CACNA1H: variants seen among roughly 807,000 people sequenced by gnomAD.
CACNA1H encodes the protein calcium voltage-gated channel subunit alpha1 H, also known as voltage-dependent T-type calcium channel subunit alpha-1H.
A neutral mutation model predicts 192.5 loss-of-function variants in CACNA1H; 149 were observed. The ratio of observed to expected loss-of-function variants is 0.77; its 90% CI spans 0.68 to 0.89. The LOEUF is 0.89. Among genes scored for constraint, CACNA1H ranks in the 40% least tolerant of loss-of-function variants. The pLI, the probability that CACNA1H is intolerant of heterozygous loss-of-function variation, is 0.00. For synonymous variants in CACNA1H, 2,202 were observed against 1,475.2 expected (o/e 1.49, Z -11.29); for missense variants, 4,257 against 3,423.5 (o/e 1.24, Z -6.08).
Position 1,207,056 on chromosome 16 carries a change from G to T in CACNA1H, c.2845G>T (p.Asp949Tyr). ...GTTCAGCCTGAAGACAGACACCGGA[G>T]ACACCGTGCCTGACAGGAAGAACTT... ...CKFSLKTDTG[D>Y]TVPDRKNFDS... The change falls in exon 13 of 35, where the codon GAC becomes TAC. Residue 949 changes from aspartate (D) to tyrosine (Y), a missense_variant. Asp to Tyr is a radical substitution (Grantham distance 160). Coordinates refer to ENST00000348261, the MANE Select transcript of CACNA1H (RefSeq NM_021098.3). The T allele has an allele frequency of 6.2e-7, 1 of 1,603,352 alleles. No homozygotes were observed. The highest frequency in any genetic ancestry group is 1.1e-5 in the South Asian group (1 of 89,132).
rs2141202599 is a variant in CACNA1H, at chr16:1,195,990, C to T, written c.610C>T (p.Leu204=). ...CTCGGCTATCAGGACCGTGCGGGTG[C>T]TGCGGCCCCTCCGCGCCATCAACCG... is the stretch of plus-strand genomic sequence containing the variant. The part of the protein sequence containing the change: ...SLSAIRTVRV[L]RPLRAINRVP... The change falls in exon 5 of 35, where the codon CTG becomes TTG. Residue 204 remains leucine (L), a synonymous_variant. Transcript: ENST00000348261. 3.7e-6 allele frequency: 6 copies of T among 1,613,022 alleles called. No homozygotes were observed. Among genetic ancestry groups the T allele is most frequent in the Non-Finnish European group, 5.1e-6 (6 of 1,179,796 alleles).
intron 34 of CACNA1H, among the ~76,000 whole-genome samples, chr16:1,219,633 C>T (rs1006087669): frequency 7.2e-5 from 11 of 152,234 alleles, no homozygotes; most frequent in Non-Finnish European, 1.0e-4. Context: ...ACGCCTGTAC[C>T]GCACAGGAGC....
intron 13 of CACNA1H, 67 bp from the exon 14 acceptor site, chr16:1,207,208 C>T (rs570606915): frequency 2.6e-6 from 4 of 1,555,556 alleles, no homozygotes; most frequent in African/African-American, 2.7e-5. Context: ...ATAGCTGCCT[C>T]TGCCCCAAGG....
At chr16:1,174,121 C>G (rs540843201) in intron 2 of CACNA1H, among the ~76,000 whole-genome samples, 2 of 152,318 alleles carry the variant, frequency 1.3e-5, no homozygotes, top group South Asian at 4.1e-4. Context: ...TGAGACCCAC[C>G]ACAGAGCCGT....
intron 9 of CACNA1H, 81 bp from the exon 10 acceptor site, chr16:1,203,929 C>A: frequency 9.7e-7 from 1 of 1,032,670 alleles, no homozygotes; most frequent in South Asian, 1.7e-5. Context: ...TTCACCCCAC[C>A]GCTCCTGTGT....
In CACNA1H at chr16:1,220,247, C is replaced by T. The variant is rs1970375112; in HGVS notation, c.6315C>T (p.Thr2105=). 2.5e-6 allele frequency: 4 copies of T among 1,585,542 alleles called. No homozygotes were observed. Among genetic ancestry groups the T allele is most frequent in the Non-Finnish European group, 3.4e-6 (4 of 1,172,274 alleles). ...DPADEEVSHI[T]SSACPWQPTA... is the part of the protein sequence containing the mutation. ...CCGACGAGGAGGTCAGCCACATCAC[C>T]AGCTCCGCCTGCCCCTGGCAGCCCA... Residue 2105 remains threonine (T), a synonymous_variant, in exon 35 of 35, where the codon ACC becomes ACT. Transcript: ENST00000348261.
chr16:1,197,171 G>C (rs999040948), intron 5 of CACNA1H, among the ~76,000 whole-genome samples: 11 of 152,256 alleles, frequency 7.2e-5, no homozygotes, highest in African/African-American at 2.7e-4. Context: ...GTGTGGCTCA[G>C]ATAGGGCTTG....
intron 2 of CACNA1H, among the ~76,000 whole-genome samples, chr16:1,155,588 A>G (rs994157016): frequency 2.0e-5 from 3 of 152,008 alleles, no homozygotes; most frequent in African/African-American, 7.2e-5. Context: ...GGAGAAGGGA[A>G]AGAGTTGAGC....
rs552056278 is a variant in CACNA1H, at chr16:1,205,250, T to C, written c.2588T>C (p.Ile863Thr). Residue 863 changes from isoleucine (I) to threonine (T), a missense_variant, in exon 11 of 35, where the codon ATC (isoleucine) becomes ACC (threonine). Transcript: ENST00000348261. ...IRNPYNIFDG[I>T]IVVISVWEIV... ...AACCCGTACAACATCTTCGACGGCA[T>C]CATCGTGGTCATCAGGTGGGTCCCC... 1 of 1,607,156 alleles carries C rather than the reference T, an allele frequency of 6.2e-7. No individual in the cohort carries two copies. Among genetic ancestry groups the C allele is most frequent in the East Asian group, 2.2e-5 (1 of 44,670 alleles).
Position 1,195,964 on chromosome 16 carries a change from T to C in CACNA1H, c.584T>C (p.Leu195Pro), listed in dbSNP as rs770065906. The stretch of plus-strand genomic sequence containing the variant: ...TCGTTGGACGGACACAACGTGAGCC[T>C]CTCGGCTATCAGGACCGTGCGGGTG... ...EYSLDGHNVSLSAIRTVRVLR... is the reference protein window; with the variant it reads ...EYSLDGHNVSPSAIRTVRVLR... The change falls in exon 5 of 35, where the codon CTC becomes CCC. Residue 195 changes from leucine to proline, a missense_variant. By Grantham distance (98) the Leu-to-Pro change is moderately conservative. Transcript: ENST00000348261. The C allele has an allele frequency of 9.9e-6, 16 of 1,613,030 alleles. No individual in the cohort carries two copies. The highest frequency in any genetic ancestry group is 2.2e-5 in the South Asian group (2 of 91,082).
intron 2 of CACNA1H, among the ~76,000 whole-genome samples, chr16:1,179,445 C>G (rs990030516): frequency 1.3e-5 from 2 of 152,140 alleles, no homozygotes; most frequent in Admixed American, 1.3e-4. Flanking sequence ...TTCCGTCCTC[C>G]TCATTTATTT....
chr16:1,185,016 G>A (rs1965842736), intron 2 of CACNA1H, among the ~76,000 whole-genome samples: 1 of 152,174 alleles, frequency 6.6e-6, no homozygotes, highest in Non-Finnish European at 1.5e-5. Context: ...ACTCCAGAAG[G>A]AAACCGCATC....
At chr16:1,195,799 C>T in intron 4 of CACNA1H, 127 bp from the exon 5 acceptor site, 1 of 909,134 alleles carries the variant, frequency 1.1e-6, no homozygotes, top group East Asian at 2.5e-5. Flanking sequence ...CCCTTCCTGG[C>T]CAGTACAAGG....
chr16:1,184,020 G>C (rs1336488350), intron 2 of CACNA1H, among the ~76,000 whole-genome samples: 1 of 152,342 alleles, frequency 6.6e-6, no homozygotes, highest in East Asian at 1.9e-4. Flanking sequence ...GCCAGGGACA[G>C]AAGAGTCAAG....
At chr16:1,189,310 G>GC (rs1966370242) in intron 2 of CACNA1H, among the ~76,000 whole-genome samples, 1 of 147,438 alleles carries the variant, frequency 6.8e-6, no homozygotes, top group Non-Finnish European at 1.5e-5. Flanking sequence ...CACCTGCCCA[G>GC]CCCCTCAGAA....
chr16:1,173,187 G>A (rs1170058102), intron 2 of CACNA1H, among the ~76,000 whole-genome samples: 1 of 152,208 alleles, frequency 6.6e-6, no homozygotes. Context: ...GTGTCCAAAA[G>A]GCCGAGGCTG....
intron 2 of CACNA1H, among the ~76,000 whole-genome samples, chr16:1,193,949 G>C (rs944440902): frequency 1.3e-5 from 2 of 152,144 alleles, no homozygotes; most frequent in Admixed American, 6.5e-5. Context: ...CTCAGACCCT[G>C]ACCCCAGTGC....
At chr16:1,208,407 G>A (rs935822226) in intron 16 of CACNA1H, among the ~76,000 whole-genome samples, 186 bp downstream of exon 16, 2 of 152,134 alleles carry the variant, frequency 1.3e-5, no homozygotes, top group Non-Finnish European at 2.9e-5. Context: ...GTTGTGTGAG[G>A]CCGGTGTGAA....
chr16:1,212,535 G>A lies in CACNA1H; in HGVS notation c.4777+7G>A, dbSNP rs1283957989. The stretch of plus-strand genomic sequence containing the variant: ...GGCACTTTCCCCAGCCCAGGTACCG[G>A]CCCTGTCCCGCATGCCTCAGGCCCC... On this transcript the variant is annotated splice_region_variant and intron_variant, in intron 26 of 34. Coordinates refer to ENST00000348261, the MANE Select transcript of CACNA1H (RefSeq NM_021098.3). The A allele has an allele frequency of 3.1e-6, 5 of 1,610,252 alleles. No individual in the cohort carries two copies. The highest frequency in any genetic ancestry group is 1.3e-5 in the African/African-American group (1 of 74,976).
Sources: gnomAD v4.1 joint callset for allele counts (sites outside exome capture counted in the v4.1 genomes callset) on GRCh38, gnomAD v4.1.1 for gene constraint, MANE v1.5 for transcripts, NCBI Gene and HGNC (gene_info 2026-07-23, HGNC 2026-07-21) for gene names.